The following NPHP4 variants were observed in gnomAD, a reference collection of about 807,000 sequenced individuals.
NPHP4 encodes nephrocystin-4.
NPHP4 carries 151 observed loss-of-function variants against 155.8 expected under a neutral mutation model. That is an observed-to-expected ratio of 0.97 (90% CI 0.85 to 1.11). The LOEUF is 1.11. NPHP4 is among the 50% of genes least tolerant of loss of function. NPHP4 has a pLI of 0.00. For synonymous variants in NPHP4, 845 were observed against 816.8 expected, an observed-to-expected ratio of 1.03 and a Z score of -0.59; for missense variants, 1,956 against 1,925.7, an observed-to-expected ratio of 1.02 and a Z score of -0.29.
At chr1:5,976,162 A>T (rs1653527412) in intron 3 of NPHP4, among the ~76,000 whole-genome samples, 1 of 152,206 alleles carries the variant, frequency 6.6e-6, no homozygotes, top group Non-Finnish European at 1.5e-5. Flanking sequence ...TGGAGCCGTC[A>T]GATGCACAGG....
rs1026296206 is a variant in NPHP4 at position 5,882,322 on chromosome 1, T to G, written c.2486-2083A>C. 9 of 146,074 alleles carry G rather than the reference T, an allele frequency of 6.2e-5. No homozygotes were observed. The highest frequency in any genetic ancestry group is 2.3e-4 in the African/African-American group (9 of 39,632). 9.0% of individuals were successfully genotyped at this position (146,074 alleles called of 1,614,324 possible). A position where few individuals can be genotyped will look rare whatever the true frequency, so the allele number is the denominator to read the frequency against. ...GCGCGCTTACCCAGCCATCTCTCAG[T>G]GGCGCGCTTACCCAGCCATCTCTCA... On this transcript the variant is annotated intron_variant, in intron 18 of 29. Coordinates refer to ENST00000378156, the MANE Select transcript of NPHP4 (RefSeq NM_015102.5). The surrounding 1 kb of genome is among the most constrained non-coding windows in gnomAD (Gnocchi z 5.1).
At chr1:5,973,712 G>A (rs115548386) in intron 3 of NPHP4, among the ~76,000 whole-genome samples, 1,991 of 152,304 alleles carry the variant, frequency 0.013, 34 homozygotes, top group African/African-American at 0.042. Flanking sequence ...CACTGGAAAC[G>A]TCACAGAGAC....
rs1260787113 is a variant in NPHP4, at chr1:5,980,796, G to A, written c.136-2383C>T. Reference sequence around the variant, plus strand: ...GGAGGTGGTGTTATCCATGAGGACAGGGAAGGTGGGCAGAGCAGGTCTGAA... The same window carrying A: ...GGAGGTGGTGTTATCCATGAGGACAAGGAAGGTGGGCAGAGCAGGTCTGAA... On this transcript the variant is annotated intron_variant, in intron 2 of 29. Coordinates refer to ENST00000378156, the MANE Select transcript of NPHP4 (RefSeq NM_015102.5). Among the ~76,000 whole-genome samples the A allele has an allele frequency of 2.6e-5, 4 of 152,130 alleles. No individual in the cohort carries two copies. In the East Asian group the frequency reaches 7.7e-4, roughly 29 times the overall value.
intron 6 of NPHP4, among the ~76,000 whole-genome samples, chr1:5,958,644 G>A (rs561021177): frequency 7.9e-5 from 12 of 151,094 alleles, no homozygotes; most frequent in Admixed American, 5.9e-4. Flanking sequence ...GTAGTGAGCC[G>A]AGATTGTGCC....
At position 5,990,430 on chromosome 1, in the gene NPHP4, C is replaced by T. The variant is rs1656060416; in HGVS notation, c.-39+1814G>A. On this transcript the variant is annotated intron_variant, in intron 1 of 29. Coordinates refer to ENST00000378156, the MANE Select transcript of NPHP4 (RefSeq NM_015102.5). ...AGGTCTTGAACCCAAGAAAAGGGTA[C>T]AGTGGGCTCTCCAGGGGAAAAAAAA... Among the ~76,000 whole-genome samples, 2 of 151,588 alleles carry T rather than the reference C, an allele frequency of 1.3e-5. 1 individual carries two copies. Among genetic ancestry groups the T allele is most frequent in the African/African-American group, 4.9e-5 (2 of 41,200 alleles).
chr1:5,926,325 T>C (rs763869878), intron 11 of NPHP4, among the ~76,000 whole-genome samples: 2 of 152,242 alleles, frequency 1.3e-5, no homozygotes, highest in Non-Finnish European at 2.9e-5. Context: ...GGAATATTCT[T>C]AGATAGCTCA....
chr1:5,978,525 T>G, intron 2 of NPHP4, 112 bp from the exon 3 acceptor site: 1 of 948,946 alleles, frequency 1.1e-6, no homozygotes, highest in Non-Finnish European at 1.6e-6. Flanking sequence ...ATCAGCACGC[T>G]GGTTTCCTTA....
chr1:5,891,463 C>G (rs1243193242), intron 16 of NPHP4, among the ~76,000 whole-genome samples: 1 of 152,202 alleles, frequency 6.6e-6, no homozygotes, highest in Non-Finnish European at 1.5e-5. Flanking sequence ...GTGTGGGACA[C>G]CCAGCAGCCC....
At position 5,889,888 on chromosome 1, in the gene NPHP4, G is replaced by A. The variant is rs1002589832; in HGVS notation, c.2304+980C>T. Among the ~76,000 whole-genome samples the A allele has an allele frequency of 2.0e-5, 3 of 152,216 alleles. No homozygotes were observed. Among genetic ancestry groups the A allele is most frequent in the African/African-American group, 4.8e-5 (2 of 41,466 alleles). On this transcript the variant is annotated intron_variant, in intron 17 of 29. Transcript: ENST00000378156. This position sits in a 1 kb window ranked among gnomAD's most constrained non-coding sequence, Gnocchi z 4.2. ...CGTTCTGTGCACAGCCCACCACCCT[G>A]GGGGGCATCCCCCTCCTCTAGAAGT...
chr1:5,902,879 AAGC>A (rs140141895), intron 16 of NPHP4, among the ~76,000 whole-genome samples: 148 of 152,348 alleles, frequency 9.7e-4, no homozygotes, highest in East Asian at 7.1e-3. Flanking sequence ...AAAAAAATAA[AAGC>A]AGTTCAGAGT....
In NPHP4 at chr1:5,905,377, C is replaced by T; in HGVS notation, c.1870G>A (p.Glu624Lys). ...KQPAEAVSAT[E>K]PVTFNPQKEE... ...TTCTGAGGGTTAAACGTCACAGGTT[C>T]TGTAGCGCTGACAGCCTCGGCTGGC... Residue 624 changes from glutamate to lysine, a missense_variant, in exon 15 of 30, where the codon GAA becomes AAA. Glu to Lys is a moderately conservative substitution (Grantham distance 56, BLOSUM62 1). Coordinates refer to ENST00000378156, the MANE Select transcript of NPHP4 (RefSeq NM_015102.5). This position sits in a 1 kb window ranked among gnomAD's most constrained non-coding sequence, Gnocchi z 4.0. 6.2e-7 allele frequency: 1 copy of T among 1,613,844 alleles called. No homozygotes were observed. The highest frequency in any genetic ancestry group is 8.5e-7 in the Non-Finnish European group (1 of 1,179,724).
chr1:5,893,985 G>A (rs1396785631), intron 16 of NPHP4, among the ~76,000 whole-genome samples: 1 of 152,210 alleles, frequency 6.6e-6, no homozygotes, highest in Non-Finnish European at 1.5e-5. Flanking sequence ...TATGACCGTA[G>A]AGCGAGGATT....
intron 16 of NPHP4, among the ~76,000 whole-genome samples, chr1:5,898,676 A>G (rs1644518352): frequency 6.6e-6 from 1 of 152,230 alleles, no homozygotes; most frequent in Admixed American, 6.5e-5. Context: ...GGCAATGTCA[A>G]ATTTTGGATT....
At chr1:5,930,156 A>G (rs1646201775) in intron 10 of NPHP4, among the ~76,000 whole-genome samples, 1 of 152,046 alleles carries the variant, frequency 6.6e-6, no homozygotes, top group Non-Finnish European at 1.5e-5. Flanking sequence ...TCCTTCTTTC[A>G]TTCCTAATAT....
intron 23 of NPHP4, among the ~76,000 whole-genome samples, chr1:5,869,009 A>G (rs1186243639): frequency 2.8e-5 from 3 of 108,694 alleles, no homozygotes; most frequent in African/African-American, 1.1e-4. Context: ...ACACGCACCC[A>G]TACACACACA....
chr1:5,875,368 T>C (rs530410434), intron 20 of NPHP4, among the ~76,000 whole-genome samples: 1 of 152,176 alleles, frequency 6.6e-6, no homozygotes, highest in Non-Finnish European at 1.5e-5. Context: ...CCTGAGAGAC[T>C]CTTCACAGAC....
intron 6 of NPHP4, among the ~76,000 whole-genome samples, chr1:5,958,492 C>T (rs978075762): frequency 8.5e-5 from 13 of 152,194 alleles, no homozygotes; most frequent in Admixed American, 3.9e-4. Context: ...GTCAGGAGTT[C>T]GAGACCTGCC....
chr1:5,934,479 T>C (rs1296148115), intron 9 of NPHP4, among the ~76,000 whole-genome samples: 1 of 151,548 alleles, frequency 6.6e-6, no homozygotes, highest in South Asian at 2.1e-4. Flanking sequence ...AAGCAGGAGG[T>C]GGTGACTGGA....
At chr1:5,870,208 G>T (rs904069640) in intron 23 of NPHP4, among the ~76,000 whole-genome samples, 3 of 152,142 alleles carry the variant, frequency 2.0e-5, no homozygotes, top group African/African-American at 7.2e-5. Flanking sequence ...TGCTGTGCTG[G>T]GCAGTAAGGA....
Sources: allele counts gnomAD v4.1 joint callset (sites outside exome capture counted in the v4.1 genomes callset), GRCh38; gene constraint gnomAD v4.1.1; non-coding constraint Gnocchi (gnomAD v3.1); transcripts MANE v1.5; gene names NCBI Gene and HGNC (gene_info 2026-07-23, HGNC 2026-07-21).